Variants in RALYL observed in about 807,000 individuals in gnomAD.
RALYL encodes the protein RNA-binding Raly-like protein.
In RALYL, 29 loss-of-function variants were observed where a neutral mutation model predicts 35.1. The ratio of observed to expected loss-of-function variants is 0.83; its 90% CI spans 0.61 to 1.13. The LOEUF (loss-of-function observed/expected upper bound fraction) is 1.13, where lower values mean the gene tolerates loss of function less well. RALYL is among the 50% of genes most tolerant of loss of function. RALYL has a pLI of 0.00. For missense variants in RALYL, 359 were observed against 360.4 expected (o/e 1.00, Z 0.03); for synonymous variants, 120 against 127.6 (o/e 0.94, Z 0.40).
intron 2 of RALYL, among the ~76,000 whole-genome samples, chr8:84,622,705 C>T (rs1821815299): frequency 6.6e-6 from 1 of 152,166 alleles, no homozygotes; most frequent in African/African-American, 2.4e-5. Context: ...CTGCTGGCAT[C>T]AATGAGGTAA....
chr8:84,449,889 A>G (rs1263523164), intron 1 of RALYL, among the ~76,000 whole-genome samples: 3 of 151,920 alleles, frequency 2.0e-5, no homozygotes, highest in Non-Finnish European at 4.4e-5. Context: ...TGCATTTACC[A>G]CATTTTTTGC....
chr8:84,835,886 C>T (rs1231400249), intron 4 of RALYL, among the ~76,000 whole-genome samples: 1 of 151,308 alleles, frequency 6.6e-6, no homozygotes. Context: ...CCAGACAGAG[C>T]GTAGGTGCTG....
At chr8:84,320,416 G>A (rs1264237636) in intron 1 of RALYL, among the ~76,000 whole-genome samples, 1 of 151,042 alleles carries the variant, frequency 6.6e-6, no homozygotes, top group Non-Finnish European at 1.5e-5. Context: ...GTGCATATAT[G>A]TGTGTATGTG....
intron 2 of RALYL, among the ~76,000 whole-genome samples, chr8:84,752,313 C>A (rs1810273534): frequency 6.6e-6 from 1 of 152,274 alleles, no homozygotes; most frequent in South Asian, 2.1e-4. Context: ...AGTGACCTGG[C>A]TGCTTCTAAC....
intron 2 of RALYL, among the ~76,000 whole-genome samples, chr8:84,596,546 T>A (rs1285637529): frequency 6.6e-6 from 1 of 152,174 alleles, no homozygotes. Flanking sequence ...TTAAGAAGTC[T>A]AATTTGCTGG....
At chr8:84,214,572 G>A (rs1197372183) in intron 1 of RALYL, among the ~76,000 whole-genome samples, 1 of 152,006 alleles carries the variant, frequency 6.6e-6, no homozygotes, top group Non-Finnish European at 1.5e-5. Flanking sequence ...CAAATACTGT[G>A]AGAGGCAATT....
At chr8:84,756,947 C>T (rs868744542) in intron 2 of RALYL, among the ~76,000 whole-genome samples, 1 of 151,942 alleles carries the variant, frequency 6.6e-6, no homozygotes, top group Non-Finnish European at 1.5e-5. Context: ...GATTTAGAGA[C>T]CGTGAATGTG....
intron 1 of RALYL, among the ~76,000 whole-genome samples, chr8:84,484,548 T>C (rs1349242475): frequency 6.6e-6 from 1 of 152,060 alleles, no homozygotes; most frequent in South Asian, 2.1e-4. Context: ...ATGAGTAGTC[T>C]AGTGGAACTC....
At chr8:84,573,530 G>C (rs187290606) in intron 2 of RALYL, among the ~76,000 whole-genome samples, 3 of 151,582 alleles carry the variant, frequency 2.0e-5, no homozygotes, top group African/African-American at 7.3e-5. Flanking sequence ...CTTTGGTATC[G>C]TTGTCTTTAG....
chr8:84,857,363 A>G (rs1456885493), intron 5 of RALYL, among the ~76,000 whole-genome samples: 1 of 152,208 alleles, frequency 6.6e-6, no homozygotes, highest in Non-Finnish European at 1.5e-5. Context: ...CTTAGTAACT[A>G]TAAGTTTTGA....
At chr8:84,572,079 G>A (rs1372931835) in intron 2 of RALYL, among the ~76,000 whole-genome samples, 4 of 151,750 alleles carry the variant, frequency 2.6e-5, no homozygotes, top group Admixed American at 2.0e-4. Flanking sequence ...CCTTTGTTGG[G>A]CAGAATATTC....
At chr8:84,644,578 T>C (rs892260714) in intron 2 of RALYL, among the ~76,000 whole-genome samples, 15 of 152,034 alleles carry the variant, frequency 9.9e-5, no homozygotes, top group Admixed American at 5.2e-4. Context: ...GCAGGGAAAG[T>C]GTAGCAATAT....
chr8:84,638,811 G>T (rs1588676659), intron 2 of RALYL, among the ~76,000 whole-genome samples: 1 of 125,736 alleles, frequency 8.0e-6, no homozygotes. Flanking sequence ...AAACTATGTT[G>T]TTATGGAGTC....
intron 2 of RALYL, among the ~76,000 whole-genome samples, chr8:84,557,362 G>T (rs1158034155): frequency 6.6e-6 from 1 of 152,158 alleles, no homozygotes; most frequent in Admixed American, 6.5e-5. Flanking sequence ...GACTGGACAG[G>T]CCTGGGATGG....
intron 1 of RALYL, among the ~76,000 whole-genome samples, chr8:84,328,802 T>TTGGGCA (rs1438683876): frequency 6.6e-6 from 1 of 152,130 alleles, no homozygotes; most frequent in Non-Finnish European, 1.5e-5. Flanking sequence ...CATTATCAAC[T>TTGGGCA]TTATGTCCAT....
intron 1 of RALYL, among the ~76,000 whole-genome samples, chr8:84,412,882 C>T (rs1230892453): frequency 6.6e-6 from 1 of 151,790 alleles, no homozygotes; most frequent in Non-Finnish European, 1.5e-5. Flanking sequence ...TTCCAAGGTG[C>T]ACCTGGTAAT....
At chr8:84,679,456 TTAGGTGGTTGCTAAA>T in intron 2 of RALYL, 1 of 315,954 alleles carries the variant, frequency 3.2e-6, no homozygotes, top group South Asian at 3.0e-5. Context: ...CACTCTGTGC[TTAGGTGGTTGCTAAA>T]TAGGACTGAT....
intron 1 of RALYL, among the ~76,000 whole-genome samples, chr8:84,253,256 C>T (rs1830577148): frequency 7.8e-6 from 1 of 128,156 alleles, no homozygotes; most frequent in African/African-American, 3.0e-5. Flanking sequence ...GTGGTGCGAT[C>T]TCAGCTCACT....
intron 1 of RALYL, among the ~76,000 whole-genome samples, chr8:84,408,107 T>G (rs1001464037): frequency 6.6e-6 from 1 of 152,066 alleles, no homozygotes; most frequent in Non-Finnish European, 1.5e-5. Flanking sequence ...TTTATTTTAA[T>G]TATATCTGTA....
Sources: gnomAD v4.1 joint callset for allele counts (sites outside exome capture counted in the v4.1 genomes callset) on GRCh38, gnomAD v4.1.1 for gene constraint, MANE v1.5 for transcripts, NCBI Gene and HGNC (gene_info 2026-07-23, HGNC 2026-07-21) for gene names.